The following MAPDA variants were observed in gnomAD, a reference collection of about 807,000 sequenced individuals.
MAPDA encodes the protein N6,N6-dimethyl-AMP deaminase.
the MAPDA span, chr15:43,345,870 G>T: frequency 6.2e-7 from 1 of 1,614,168 alleles, no homozygotes; most frequent in Admixed American, 1.7e-5. Context: ...GATAGCAGTT[G>T]ACAGAAGAGG....
chr15:43,332,765 G>C, the MAPDA span, among the ~76,000 whole-genome samples: 1 of 152,128 alleles, frequency 6.6e-6, no homozygotes, highest in East Asian at 1.9e-4. Flanking sequence ...CCTTTTGGGG[G>C]AGTAGGTGGG....
chr15:43,347,884 G>A, the MAPDA span, among the ~76,000 whole-genome samples: 1 of 152,082 alleles, frequency 6.6e-6, no homozygotes, highest in African/African-American at 2.4e-5. Flanking sequence ...GTAATCTAGT[G>A]GCAGGACTTA....
chr15:43,342,800 T>G, the MAPDA span, among the ~76,000 whole-genome samples: 3 of 152,100 alleles, frequency 2.0e-5, no homozygotes, highest in Non-Finnish European at 4.4e-5. Flanking sequence ...AACACTTCAT[T>G]TCCCCCTAAT....
the MAPDA span, chr15:43,352,068 C>A: frequency 1.1e-6 from 1 of 925,160 alleles, no homozygotes; most frequent in Non-Finnish European, 1.6e-6. Context: ...GCTCTATCAC[C>A]AGCACCTTAC....
chr15:43,335,611 A>G, the MAPDA span: 1 of 1,398,376 alleles, frequency 7.2e-7, no homozygotes, highest in Non-Finnish European at 9.7e-7. Context: ...CAGTTTGCCT[A>G]TTGCAAACTA....
chr15:43,345,043 G>A, the MAPDA span, among the ~76,000 whole-genome samples: 4 of 151,946 alleles, frequency 2.6e-5, no homozygotes, highest in Non-Finnish European at 2.9e-5. Flanking sequence ...GACTAGACAG[G>A]AAATGTAAGA....
At chr15:43,338,984 G>A in the MAPDA span, among the ~76,000 whole-genome samples, 1,560 of 152,326 alleles carry the variant, frequency 0.01, 31 homozygotes, top group African/African-American at 0.036. Flanking sequence ...CGTATTCCTC[G>A]TTGTCAAACA....
the MAPDA span, among the ~76,000 whole-genome samples, chr15:43,340,630 T>G: frequency 1.3e-5 from 2 of 152,086 alleles, no homozygotes; most frequent in Non-Finnish European, 2.9e-5. Flanking sequence ...GGCCCAACAA[T>G]CACCTCAGCC....
chr15:43,336,373 G>A, the MAPDA span, among the ~76,000 whole-genome samples: 1 of 152,044 alleles, frequency 6.6e-6, no homozygotes, highest in Admixed American at 6.6e-5. Context: ...TGAAAATATA[G>A]GCATATTGAA....
the MAPDA span, chr15:43,340,154 A>G: frequency 6.3e-6 from 6 of 949,520 alleles, no homozygotes; most frequent in African/African-American, 1.7e-5. Context: ...AACTTCCAAC[A>G]TTACTTGCAA....
At chr15:43,334,963 C>G in the MAPDA span, 1 of 636,856 alleles carries the variant, frequency 1.6e-6, no homozygotes, top group Non-Finnish European at 2.7e-6. Flanking sequence ...GAACCCAGAT[C>G]TACACATACA....
the MAPDA span, chr15:43,336,635 G>T: frequency 1.3e-6 from 2 of 1,575,428 alleles, no homozygotes; most frequent in South Asian, 1.2e-5. Flanking sequence ...GATGTTTCCA[G>T]ATGTTTCAAA....
the MAPDA span, chr15:43,335,963 A>G: frequency 1.9e-6 from 2 of 1,070,190 alleles, no homozygotes; most frequent in Admixed American, 2.6e-5. Context: ...ATCTTAACAT[A>G]CAACATTTTT....
chr15:43,346,912 C>A, the MAPDA span: 2 of 850,482 alleles, frequency 2.4e-6, no homozygotes, highest in Non-Finnish European at 1.9e-6. Context: ...AATTAATCTA[C>A]CATTATTTTT....
At chr15:43,335,232 CT>C in the MAPDA span, 1 of 1,558,446 alleles carries the variant, frequency 6.4e-7, no homozygotes, top group Admixed American at 1.7e-5. Context: ...GATGTTGCTT[CT>C]TTTCATCAAA....
the MAPDA span, chr15:43,335,964 C>T: frequency 5.7e-6 from 6 of 1,059,584 alleles, no homozygotes; most frequent in Non-Finnish European, 8.0e-6. Flanking sequence ...TCTTAACATA[C>T]AACATTTTTT....
the MAPDA span, among the ~76,000 whole-genome samples, chr15:43,340,660 C>T: frequency 1.1e-4 from 16 of 152,196 alleles, no homozygotes; most frequent in African/African-American, 3.6e-4. Flanking sequence ...GCTGGGATTA[C>T]AGGTGTGAGC....
chr15:43,350,866 G>C, the MAPDA span: 1 of 1,231,258 alleles, frequency 8.1e-7, no homozygotes, highest in South Asian at 1.4e-5. Flanking sequence ...AATATTTCTC[G>C]TGTCTACTTG....
the MAPDA span, among the ~76,000 whole-genome samples, chr15:43,341,678 A>G: frequency 1.4e-4 from 21 of 151,502 alleles, no homozygotes; most frequent in Non-Finnish European, 2.2e-4. Flanking sequence ...CCCCACCTCT[A>G]TGGGCTCCAA....
Sources: gnomAD v4.1 joint callset for allele counts (sites outside exome capture counted in the v4.1 genomes callset) on GRCh38, gnomAD v4.1.1 for gene constraint, MANE v1.5 for transcripts, NCBI Gene and HGNC (gene_info 2026-07-23, HGNC 2026-07-21) for gene names.